Variants in ANKMY2 observed in about 807,000 individuals in gnomAD.
The protein encoded by ANKMY2 is ankyrin repeat and MYND domain containing 2, also known as ankyrin repeat and MYND domain-containing protein 2.
ANKMY2 carries 36 observed loss-of-function variants against 50.4 expected under a neutral mutation model. The observed-to-expected ratio is 0.71, with a 90% confidence interval of 0.55 to 0.94. The LOEUF is 0.94. Ranked by LOEUF, ANKMY2 falls within the 40% of genes least tolerant of loss-of-function variation. The pLI, the probability that ANKMY2 is intolerant of heterozygous loss-of-function variation, is 0.00. For synonymous variants in ANKMY2, 187 were observed against 178.8 expected (o/e 1.05, Z -0.36); for missense variants, 565 against 524.0 (o/e 1.08, Z -0.76).
chr7:16,631,564 C>G (rs1039736036), intron 2 of ANKMY2, among the ~76,000 whole-genome samples: 1 of 151,732 alleles, frequency 6.6e-6, no homozygotes, highest in African/African-American at 2.4e-5. Flanking sequence ...AATATTTATA[C>G]AAATTTTCCT....
At chr7:16,631,410 C>T (rs924318003) in intron 2 of ANKMY2, among the ~76,000 whole-genome samples, 12 of 152,116 alleles carry the variant, frequency 7.9e-5, no homozygotes, top group Non-Finnish European at 1.5e-4. Context: ...ATTATGCTAG[C>T]CTTATCAAAT....
Position 16,600,653 on chromosome 7 carries a change from C to T in ANKMY2, c.*108G>A. 2.1e-6 allele frequency: 2 copies of T among 948,722 alleles called. No individual in the cohort carries two copies. The highest frequency in any genetic ancestry group is 1.5e-6 in the Non-Finnish European group (1 of 684,814). The allele number at this position is 948,722 out of a possible 1,614,324, so 58.8% of individuals were successfully genotyped here. The stretch of plus-strand genomic sequence containing the variant: ...ACCTGTATTCTATGAAATGTGGAAT[C>T]CTGCCATGGTGCCACGCAGGTATAA... On this transcript the variant is annotated 3_prime_UTR_variant, in exon 10 of 10. Coordinates refer to ENST00000306999, the MANE Select transcript of ANKMY2 (RefSeq NM_020319.3).
intron 4 of ANKMY2, among the ~76,000 whole-genome samples, chr7:16,621,061 C>T (rs577648345): frequency 6.6e-6 from 1 of 151,938 alleles, no homozygotes; most frequent in Non-Finnish European, 1.5e-5. Flanking sequence ...GAAGCAAATT[C>T]AAATAGAAAT....
Position 16,610,681 on chromosome 7 carries a change from C to G in ANKMY2, c.614G>C (p.Cys205Ser). The change falls in exon 6 of 10, where the codon TGT becomes TCT. Residue 205 changes from cysteine (C) to serine (S), a missense_variant. Transcript: ENST00000306999. The stretch of plus-strand genomic sequence containing the variant: ...GTCTCTTTGCTTCATACATTTCTCA[C>G]AAATCAAATCCATCACTCTGTAGCA... ...NKCYRVMDLI[C>S]EKCMKQRDMN... 6.2e-7 allele frequency: 1 copy of G among 1,614,006 alleles called. No individual in the cohort carries two copies. Among genetic ancestry groups the G allele is most frequent in the Non-Finnish European group, 8.5e-7 (1 of 1,179,968 alleles).
At chr7:16,638,777 C>A (rs749914475) in intron 1 of ANKMY2, among the ~76,000 whole-genome samples, 1 of 152,080 alleles carries the variant, frequency 6.6e-6, no homozygotes, top group African/African-American at 2.4e-5. Context: ...ATTTCTAACG[C>A]CCAGGAAATT....
At chr7:16,639,496 C>T (rs1157571063) in intron 1 of ANKMY2, among the ~76,000 whole-genome samples, 1 of 152,146 alleles carries the variant, frequency 6.6e-6, no homozygotes, top group Non-Finnish European at 1.5e-5. Context: ...TACAGCATAA[C>T]CTGCCTCATT....
chr7:16,605,726 A>T (rs1583666745), intron 7 of ANKMY2, among the ~76,000 whole-genome samples: 1 of 123,778 alleles, frequency 8.1e-6, no homozygotes, highest in Admixed American at 1.1e-4. Context: ...TCTGTCGCCC[A>T]GGCTAGAGTG....
intron 5 of ANKMY2, among the ~76,000 whole-genome samples, chr7:16,612,704 T>C (rs571613376): frequency 7.9e-5 from 12 of 152,296 alleles, no homozygotes; most frequent in African/African-American, 2.4e-4. Context: ...AGCACAAATA[T>C]ACACCAAGAA....
chr7:16,644,680 G>A, intron 1 of ANKMY2: 1 of 471,138 alleles, frequency 2.1e-6, no homozygotes, highest in Non-Finnish European at 4.4e-6. Context: ...TCACGCTGAT[G>A]TCACCTGCCA....
At chr7:16,625,706 A>G (rs1377793420) in intron 3 of ANKMY2, among the ~76,000 whole-genome samples, 1 of 152,200 alleles carries the variant, frequency 6.6e-6, no homozygotes, top group Non-Finnish European at 1.5e-5. Context: ...AAGATTATGC[A>G]TATTTTAAAT....
chr7:16,636,158 T>G (rs966139875), intron 2 of ANKMY2, among the ~76,000 whole-genome samples: 31 of 151,446 alleles, frequency 2.0e-4, no homozygotes, highest in Non-Finnish European at 1.0e-4. Context: ...GAAAAATTAC[T>G]CAGGAGTGGT....
chr7:16,629,999 A>C (rs1220325775), intron 2 of ANKMY2, among the ~76,000 whole-genome samples: 1 of 152,170 alleles, frequency 6.6e-6, no homozygotes, highest in African/African-American at 2.4e-5. Context: ...TATCCAGAAA[A>C]GGAAATAATT....
intron 2 of ANKMY2, among the ~76,000 whole-genome samples, chr7:16,634,676 G>C (rs550738816): frequency 6.6e-6 from 1 of 152,320 alleles, no homozygotes; most frequent in African/African-American, 2.4e-5. Context: ...CACAGGGCCA[G>C]GAAGAGTGCC....
intron 8 of ANKMY2, among the ~76,000 whole-genome samples, chr7:16,604,020 G>A (rs1359841195): frequency 2.0e-5 from 3 of 152,190 alleles, no homozygotes; most frequent in Non-Finnish European, 2.9e-5. Context: ...CAGGAAACAG[G>A]TTCAGAGAAG....
intron 1 of ANKMY2, 34 bp from the exon 2 acceptor site, chr7:16,636,489 T>C (rs1429181177): frequency 6.6e-7 from 1 of 1,506,564 alleles, no homozygotes; most frequent in African/African-American, 1.4e-5. Flanking sequence ...AGTAAGGTTA[T>C]TCGTCACTAG....
At position 16,627,192 on chromosome 7, in the gene ANKMY2, A is replaced by G. The variant is rs142095244; in HGVS notation, c.133-14T>C. 5 of 1,550,042 alleles carry G rather than the reference A, an allele frequency of 3.2e-6. No homozygotes were observed. In the African/African-American group the frequency reaches 6.8e-5, roughly 21 times the overall value. ...AGTCATTCCATTCTTTAATAGAAAG[A>G]GGAAAAAAGTATTAATTTTACTGTT... is the stretch of plus-strand genomic sequence containing the variant. On this transcript the variant is annotated splice_polypyrimidine_tract_variant and intron_variant, in intron 2 of 9. Transcript: ENST00000306999.
intron 1 of ANKMY2, among the ~76,000 whole-genome samples, chr7:16,638,960 G>A (rs570986186): frequency 3.3e-5 from 5 of 152,256 alleles, no homozygotes; most frequent in Non-Finnish European, 5.9e-5. Flanking sequence ...ACATGTACAC[G>A]TACCCACAAT....
chr7:16,625,358 C>T (rs1323931151), intron 3 of ANKMY2, among the ~76,000 whole-genome samples: 1 of 152,058 alleles, frequency 6.6e-6, no homozygotes, highest in East Asian at 1.9e-4. Context: ...ATATATTTTC[C>T]TAGAGGTAAC....
chr7:16,606,771 A>G (rs1329181167), intron 7 of ANKMY2, among the ~76,000 whole-genome samples: 2 of 152,230 alleles, frequency 1.3e-5, no homozygotes, highest in Admixed American at 1.3e-4. Context: ...CAAAGATTCA[A>G]GAAGTATTTT....
Sources: gnomAD v4.1 joint callset for allele counts (sites outside exome capture counted in the v4.1 genomes callset) on GRCh38, gnomAD v4.1.1 for gene constraint, MANE v1.5 for transcripts, NCBI Gene and HGNC (gene_info 2026-07-23, HGNC 2026-07-21) for gene names.